The following DOCK10 variants were observed in gnomAD, a reference collection of about 807,000 sequenced individuals.
The protein encoded by DOCK10 is dedicator of cytokinesis protein 10.
In DOCK10, 145 loss-of-function variants were observed where a neutral mutation model predicts 280.1. The observed-to-expected ratio is 0.52, with a 90% confidence interval of 0.45 to 0.59. The LOEUF (loss-of-function observed/expected upper bound fraction) is 0.59, where lower values mean the gene tolerates loss of function less well. DOCK10 is among the 20% of genes least tolerant of loss of function. The pLI is 0.00. For synonymous variants in DOCK10, 915 were observed against 942.2 expected, an observed-to-expected ratio of 0.97 and a Z score of 0.53; for missense variants, 2,368 against 2,651.7, an observed-to-expected ratio of 0.89 and a Z score of 2.35.
intron 47 of DOCK10, among the ~76,000 whole-genome samples, chr2:224,790,474 T>G (rs1035980630): frequency 6.6e-6 from 1 of 152,242 alleles, no homozygotes; most frequent in African/African-American, 2.4e-5. Flanking sequence ...AAGTGCTTTT[T>G]AAGTTATAGC....
chr2:224,815,804 C>T (rs116386678), intron 30 of DOCK10, among the ~76,000 whole-genome samples: 5,151 of 152,052 alleles, frequency 0.034, 260 homozygotes, highest in African/African-American at 0.11. Context: ...CAGAGGCCGA[C>T]GTAGGCGGAT....
At position 224,905,801 on chromosome 2, in the gene DOCK10, A is replaced by G. The variant is rs529496172; in HGVS notation, c.334-9424T>C. 8.6e-5 allele frequency among the ~76,000 whole-genome samples: 13 copies of G among 151,444 alleles called. No individual in the cohort carries two copies. The East Asian group carries it at 2.3e-3, about 27-fold the overall frequency. On this transcript the variant is annotated intron_variant, in intron 3 of 55. Coordinates refer to ENST00000258390, the MANE Select transcript of DOCK10 (RefSeq NM_014689.3). ...TTGTTCCCCGCTTTCCTCTCTGCCC[A>G]CTCCTTCTCCATTCTTTACACAGGG...
At position 224,819,535 on chromosome 2, in the gene DOCK10, A is replaced by G. The variant is rs1694366960; in HGVS notation, c.3184-6T>C. ...TCCATAAATGTAAAGCAGCGCTAAAATAGATAAAATTCTAAATTTAAACAC... is the reference window on the plus strand; with the variant it reads ...TCCATAAATGTAAAGCAGCGCTAAAGTAGATAAAATTCTAAATTTAAACAC... On this transcript the variant is annotated splice_region_variant and splice_polypyrimidine_tract_variant and intron_variant, in intron 28 of 55. Transcript: ENST00000258390. 1.3e-6 allele frequency: 2 copies of G among 1,569,628 alleles called. No homozygotes were observed. The highest frequency in any genetic ancestry group is 2.4e-5 in the South Asian group (2 of 83,264).
At position 224,787,384 on chromosome 2, in the gene DOCK10, T is replaced by C. The variant is rs1485038076; in HGVS notation, c.5432A>G (p.Glu1811Gly). The C allele has an allele frequency of 1.2e-6, 2 of 1,613,814 alleles. No individual in the cohort carries two copies. Among genetic ancestry groups the C allele is most frequent in the African/African-American group, 1.3e-5 (1 of 74,930 alleles). The stretch of plus-strand genomic sequence containing the variant: ...AAACTCCACACACATGTATAGCTGC[T>C]CCACCAGGATATTCTGCAATTCCCC... ...DTPYNENILV[E>G]QLYMCVEFLW... The change falls in exon 49 of 56, where the codon GAG becomes GGG. Residue 1811 changes from glutamate (E) to glycine (G), a missense_variant. Glu to Gly is a moderately conservative substitution (Grantham distance 98). Around this residue, in one of 2 missense-constraint regions of DOCK10, gnomAD observed 1,159 missense variants for 1,400.8 expected, o/e 0.83. Coordinates refer to ENST00000258390, the MANE Select transcript of DOCK10 (RefSeq NM_014689.3).
intron 1 of DOCK10, among the ~76,000 whole-genome samples, chr2:224,939,279 C>G (rs1702875513): frequency 6.6e-6 from 1 of 152,094 alleles, no homozygotes; most frequent in Non-Finnish European, 1.5e-5. Flanking sequence ...CCCTTAATTT[C>G]TTTAGGGAAA....
At chr2:224,781,282 T>C (rs1691317583) in intron 50 of DOCK10, among the ~76,000 whole-genome samples, 4 of 152,204 alleles carry the variant, frequency 2.6e-5, no homozygotes, top group African/African-American at 7.2e-5. Flanking sequence ...AAGTGATCAA[T>C]TGGTGATTGG....
At chr2:225,012,967 G>C (rs1320267349) in intron 1 of DOCK10, among the ~76,000 whole-genome samples, 5 of 152,124 alleles carry the variant, frequency 3.3e-5, no homozygotes, top group Non-Finnish European at 5.9e-5. Flanking sequence ...CGCTATGATG[G>C]CAGGGTGTTA....
chr2:224,967,972 C>T lies in DOCK10; in HGVS notation c.124-36304G>A, dbSNP rs184433435. 7.8e-4 allele frequency among the ~76,000 whole-genome samples: 118 copies of T among 152,170 alleles called. 1 individual carries two copies. The highest frequency in any genetic ancestry group is 2.5e-3 in the African/African-American group (103 of 41,520). ...TCTGTCTTGATTTTTTATACTTCTGCAACTGCAGTTTTCTGATACTTATTC... is the reference window on the plus strand; with the variant it reads ...TCTGTCTTGATTTTTTATACTTCTGTAACTGCAGTTTTCTGATACTTATTC... On this transcript the variant is annotated intron_variant, in intron 1 of 55. Transcript: ENST00000258390.
intron 1 of DOCK10, among the ~76,000 whole-genome samples, chr2:224,936,108 G>A (rs144065438): frequency 3.3e-5 from 5 of 152,298 alleles, no homozygotes; most frequent in African/African-American, 1.2e-4. Context: ...GCTTAATGCT[G>A]TGATGTGCTT....
Position 224,874,054 on chromosome 2 carries a change from G to A in DOCK10, c.1199C>T (p.Ala400Val). ...ACATCCCTGAAGATTTGAGTTGAGGGCTTTACAGATGATCATGATTCTCTT... is the reference window on the plus strand; with the variant it reads ...ACATCCCTGAAGATTTGAGTTGAGGACTTTACAGATGATCATGATTCTCTT... ...AAKRIMIICK[A>V]LNSNLQGCVT... The change falls in exon 11 of 56, where the codon GCC (alanine) becomes GTC (valine). Residue 400 changes from alanine to valine, a missense_variant. By Grantham distance (64) the Ala-to-Val change is moderately conservative. Around this residue, in one of 2 missense-constraint regions of DOCK10, gnomAD observed 1,209 missense variants for 1,250.9 expected, o/e 0.97. Coordinates refer to ENST00000258390, the MANE Select transcript of DOCK10 (RefSeq NM_014689.3). 1 of 1,613,614 alleles carries A rather than the reference G, an allele frequency of 6.2e-7. No individual in the cohort carries two copies.
chr2:225,037,756 A>C (rs1690300466), intron 1 of DOCK10, among the ~76,000 whole-genome samples: 1 of 152,226 alleles, frequency 6.6e-6, no homozygotes, highest in East Asian at 1.9e-4. Context: ...TTTCTATGCT[A>C]GGCCTTAGAG....
chr2:224,895,501 A>G (rs1699927266), intron 4 of DOCK10, among the ~76,000 whole-genome samples: 1 of 152,138 alleles, frequency 6.6e-6, no homozygotes, highest in African/African-American at 2.4e-5. Context: ...ATCCAGGAAT[A>G]TTATATTTTA....
At chr2:225,006,046 A>C (rs891279423) in intron 1 of DOCK10, among the ~76,000 whole-genome samples, 5 of 152,216 alleles carry the variant, frequency 3.3e-5, no homozygotes, top group Non-Finnish European at 7.3e-5. Context: ...ATGGGTATTA[A>C]TATTTTTTGG....
chr2:224,846,004 A>G (rs1303856514), intron 19 of DOCK10, among the ~76,000 whole-genome samples: 4 of 152,232 alleles, frequency 2.6e-5, no homozygotes, highest in Admixed American at 6.5e-5. Context: ...GATTACAGGC[A>G]TGAGCCACCA....
At chr2:225,019,955 T>C (rs1302947122) in intron 1 of DOCK10, among the ~76,000 whole-genome samples, 2 of 152,194 alleles carry the variant, frequency 1.3e-5, no homozygotes, top group African/African-American at 2.4e-5. Flanking sequence ...TGGGTGTAAA[T>C]TGCAAACATA....
At chr2:224,950,997 ATGTAGGGCC>A (rs1703695300) in intron 1 of DOCK10, among the ~76,000 whole-genome samples, 1 of 152,170 alleles carries the variant, frequency 6.6e-6, no homozygotes, top group Non-Finnish European at 1.5e-5. Flanking sequence ...ACAGAGATGG[ATGTAGGGCC>A]TGGCAATGTC....
intron 3 of DOCK10, among the ~76,000 whole-genome samples, chr2:224,904,262 A>G (rs1700464458): frequency 6.6e-6 from 1 of 151,860 alleles, no homozygotes; most frequent in African/African-American, 2.4e-5. Flanking sequence ...TTAACTTCCA[A>G]CAAGATTTTC....
At chr2:224,879,184 C>T (rs1462170277) in intron 7 of DOCK10, among the ~76,000 whole-genome samples, 1 of 152,140 alleles carries the variant, frequency 6.6e-6, no homozygotes, top group African/African-American at 2.4e-5. Flanking sequence ...AGCCCATGGC[C>T]TCAAACTTCA....
At chr2:225,002,081 T>C (rs12478197) in intron 1 of DOCK10, among the ~76,000 whole-genome samples, 2,886 of 152,242 alleles carry the variant, frequency 0.019, 43 homozygotes, top group African/African-American at 0.038. Flanking sequence ...GTCTAAGCTA[T>C]TTGACCTGGG....
Sources: gnomAD v4.1 joint callset for allele counts (sites outside exome capture counted in the v4.1 genomes callset) on GRCh38, gnomAD v4.1.1 for gene constraint, gnomAD v4.1.1 regional missense constraint, MANE v1.5 for transcripts, NCBI Gene and HGNC (gene_info 2026-07-23, HGNC 2026-07-21) for gene names.